Variants in ELOVL6 observed in about 807,000 individuals in gnomAD.
ELOVL6 encodes the protein very long chain fatty acid elongase 6.
In ELOVL6, 8 loss-of-function variants were observed where a neutral mutation model predicts 31.7. The ratio of observed to expected loss-of-function variants is 0.25; its 90% confidence interval spans 0.15 to 0.45. ELOVL6 has a LOEUF of 0.45. Among genes scored for constraint, ELOVL6 ranks in the 20% least tolerant of loss-of-function variants. ELOVL6 has a pLI of 1.00. For synonymous variants in ELOVL6, 101 were observed against 117.7 expected, an observed-to-expected ratio of 0.86 and a Z score of 0.92; for missense variants, 126 against 326.4, an observed-to-expected ratio of 0.39 and a Z score of 4.73.
Position 110,051,292 on chromosome 4 carries a change from T to C in ELOVL6, c.*46A>G, listed in dbSNP as rs762955184. On this transcript the variant is annotated 3_prime_UTR_variant, in exon 4 of 4. Coordinates refer to ENST00000302274, the MANE Select transcript of ELOVL6 (RefSeq NM_024090.3). The surrounding 1 kb of genome is among the most constrained non-coding windows in gnomAD (Gnocchi z 4.8). ...TTGTGCCATTTTCTTTTGTCTATTA[T>C]TTTTCTTGATGACCCTGAGCTATGG... 1 of 1,570,468 alleles carries C rather than the reference T, an allele frequency of 6.4e-7. No individual in the cohort carries two copies. Among genetic ancestry groups the C allele is most frequent in the Non-Finnish European group, 8.7e-7 (1 of 1,155,662 alleles).
chr4:110,139,558 C>A (rs915678762), intron 1 of ELOVL6, among the ~76,000 whole-genome samples: 5 of 152,150 alleles, frequency 3.3e-5, no homozygotes, highest in African/African-American at 1.2e-4. Flanking sequence ...TATATATCTC[C>A]ATTTTTTGTC....
At position 110,084,531 on chromosome 4, in the gene ELOVL6, T is replaced by TACAC. The variant is rs67665852; in HGVS notation, c.221+20962_221+20965dup. Among the ~76,000 whole-genome samples, 408 of 70,322 alleles carry TACAC rather than the reference T, an allele frequency of 5.8e-3. 6 individuals are homozygous for TACAC. The highest frequency in any genetic ancestry group is 8.2e-3 in the Non-Finnish European group (350 of 42,858). The allele number at this position is 70,322 out of a possible 152,430, so 46.1% of individuals were successfully genotyped here. ...TATATGTGTATACATTATATACACT[T>TACAC]ACACACACACACACACACACACACA... On this transcript the variant is annotated intron_variant, in intron 2 of 3. Transcript: ENST00000302274.
intron 1 of ELOVL6, among the ~76,000 whole-genome samples, chr4:110,130,639 A>G (rs1197978863): frequency 6.6e-6 from 1 of 152,260 alleles, no homozygotes. Flanking sequence ...AAAGTGACAC[A>G]GTAATAAGCA....
intron 1 of ELOVL6, among the ~76,000 whole-genome samples, chr4:110,167,278 G>A (rs1292471867): frequency 6.6e-6 from 1 of 152,128 alleles, no homozygotes; most frequent in African/African-American, 2.4e-5. Context: ...CACAGTAAAA[G>A]GACTTGTGTT....
chr4:110,112,597 G>C (rs907691009), intron 1 of ELOVL6, among the ~76,000 whole-genome samples: 2 of 152,184 alleles, frequency 1.3e-5, no homozygotes, highest in Non-Finnish European at 1.5e-5. Flanking sequence ...TCCGGGCTGA[G>C]TGTGGTGGCT....
intron 2 of ELOVL6, among the ~76,000 whole-genome samples, chr4:110,090,904 AGAGTTT>A (rs1364973500): frequency 6.6e-6 from 1 of 152,118 alleles, no homozygotes; most frequent in African/African-American, 2.4e-5. Context: ...CTCCTGGCCG[AGAGTTT>A]GACTTTCATA....
At chr4:110,093,481 C>T (rs548649598) in intron 2 of ELOVL6, among the ~76,000 whole-genome samples, 1 of 152,314 alleles carries the variant, frequency 6.6e-6, no homozygotes, top group African/African-American at 2.4e-5. Context: ...AGAAGCCACC[C>T]TTTGCCTATA....
intron 1 of ELOVL6, among the ~76,000 whole-genome samples, chr4:110,164,625 A>C (rs536766945): frequency 6.6e-6 from 1 of 151,678 alleles, no homozygotes; most frequent in East Asian, 2.0e-4. Flanking sequence ...CTGTAGTCCC[A>C]GCTACTCAGG....
At chr4:110,107,260 G>A (rs546933381) in intron 1 of ELOVL6, among the ~76,000 whole-genome samples, 1 of 152,224 alleles carries the variant, frequency 6.6e-6, no homozygotes, top group East Asian at 1.9e-4. Context: ...AGTAAATGTT[G>A]AATAAATCAC....
chr4:110,196,659 C>T (rs979900060), intron 1 of ELOVL6, among the ~76,000 whole-genome samples: 1 of 152,168 alleles, frequency 6.6e-6, no homozygotes, highest in African/African-American at 2.4e-5. Flanking sequence ...TCCAGTCCTT[C>T]CGAGCGGCCC....
rs563312315 is a variant in ELOVL6, at chr4:110,056,130, G to A, written c.373+3473C>T. ...TTTGAGTTTGTGGGAGCTGGGGGGGGGGATACAGTTTCAGTACTATACATG... is the reference window on the plus strand; with the variant it reads ...TTTGAGTTTGTGGGAGCTGGGGGGGAGGATACAGTTTCAGTACTATACATG... On this transcript the variant is annotated intron_variant, in intron 3 of 3. Coordinates refer to ENST00000302274, the MANE Select transcript of ELOVL6 (RefSeq NM_024090.3). 1.9e-3 allele frequency among the ~76,000 whole-genome samples: 239 copies of A among 126,540 alleles called. 1 individual carries two copies. The highest frequency in any genetic ancestry group is 9.8e-3 in the African/African-American group (232 of 23,734). 83.0% of individuals were successfully genotyped at this position (126,540 alleles called of 152,430 possible). A position where few individuals can be genotyped will look rare whatever the true frequency, so the allele number is the denominator to read the frequency against.
intron 1 of ELOVL6, among the ~76,000 whole-genome samples, chr4:110,120,460 G>C (rs946305229): frequency 6.6e-6 from 1 of 151,902 alleles, no homozygotes; most frequent in African/African-American, 2.4e-5. Context: ...GATAACAATA[G>C]TTAAAAAGTA....
chr4:110,172,209 T>C (rs1178173446), intron 1 of ELOVL6, among the ~76,000 whole-genome samples: 1 of 152,128 alleles, frequency 6.6e-6, no homozygotes, highest in African/African-American at 2.4e-5. Context: ...TCCAAGCAGA[T>C]AGTGTCAAAA....
At chr4:110,132,555 G>C (rs149990023) in intron 1 of ELOVL6, among the ~76,000 whole-genome samples, 2 of 151,950 alleles carry the variant, frequency 1.3e-5, no homozygotes. Context: ...GGCTAGGTGC[G>C]TTGGCTCATG....
intron 1 of ELOVL6, among the ~76,000 whole-genome samples, chr4:110,184,835 G>T (rs1759392965): frequency 6.6e-6 from 1 of 152,158 alleles, no homozygotes; most frequent in Admixed American, 6.5e-5. Flanking sequence ...CTGTAAAATC[G>T]ATGGTTTGAG....
intron 1 of ELOVL6, among the ~76,000 whole-genome samples, chr4:110,129,168 G>T (rs561368419): frequency 1.3e-5 from 2 of 152,172 alleles, no homozygotes; most frequent in South Asian, 4.2e-4. Flanking sequence ...TCCTATTTAA[G>T]AAAAATTAAT....
intron 1 of ELOVL6, among the ~76,000 whole-genome samples, chr4:110,114,173 G>GT (rs1757113404): frequency 6.6e-6 from 1 of 152,158 alleles, no homozygotes; most frequent in South Asian, 2.1e-4. Context: ...GAGTAGTTGA[G>GT]TGACTCTCCT....
At chr4:110,120,217 C>T (rs529833298) in intron 1 of ELOVL6, among the ~76,000 whole-genome samples, 1 of 151,978 alleles carries the variant, frequency 6.6e-6, no homozygotes, top group Non-Finnish European at 1.5e-5. Context: ...TAAACCTGAG[C>T]CTTTGCTTTT....
At chr4:110,179,419 T>C (rs1043895364) in intron 1 of ELOVL6, among the ~76,000 whole-genome samples, 6 of 152,148 alleles carry the variant, frequency 3.9e-5, no homozygotes, top group Admixed American at 3.3e-4. Flanking sequence ...GACAGGAGAA[T>C]TGCTTGAAAC....
Sources: allele counts gnomAD v4.1 joint callset (sites outside exome capture counted in the v4.1 genomes callset), GRCh38; gene constraint gnomAD v4.1.1; non-coding constraint Gnocchi (gnomAD v3.1); transcripts MANE v1.5; gene names NCBI Gene and HGNC (gene_info 2026-07-23, HGNC 2026-07-21).